Variants in LRRC4C observed in about 807,000 individuals in gnomAD.
The protein encoded by LRRC4C is leucine rich repeat containing 4C.
LRRC4C carries 5 observed loss-of-function variants against 33.6 expected under a neutral mutation model. The ratio of observed to expected loss-of-function variants is 0.15; its 90% CI spans 0.08 to 0.31. The LOEUF (loss-of-function observed/expected upper bound fraction) is 0.31. Among genes scored for constraint, LRRC4C ranks in the 10% least tolerant of loss-of-function variants. The pLI is 1.00. For synonymous variants in LRRC4C, 329 were observed against 302.0 expected, an observed-to-expected ratio of 1.09 and a Z score of -0.93; for missense variants, 560 against 796.7, an observed-to-expected ratio of 0.70 and a Z score of 3.58.
intron 1 of LRRC4C, among the ~76,000 whole-genome samples, chr11:41,027,631 G>A (rs1303806206): frequency 6.6e-6 from 1 of 151,548 alleles, no homozygotes; most frequent in Non-Finnish European, 1.5e-5. Context: ...TTTATTTGTT[G>A]TAACTTTCTC....
At chr11:40,600,104 G>A (rs1048790770) in intron 3 of LRRC4C, among the ~76,000 whole-genome samples, 1 of 152,146 alleles carries the variant, frequency 6.6e-6, no homozygotes, top group Non-Finnish European at 1.5e-5. Flanking sequence ...GTTTGCTGTT[G>A]AGAATAGAAT....
chr11:41,062,433 T>A (rs1408660568), intron 1 of LRRC4C, among the ~76,000 whole-genome samples: 1 of 152,212 alleles, frequency 6.6e-6, no homozygotes, highest in Non-Finnish European at 1.5e-5. Context: ...TACCTTCTCT[T>A]GATAAAACAA....
chr11:40,932,163 A>G (rs559814915), intron 2 of LRRC4C, among the ~76,000 whole-genome samples: 2 of 152,164 alleles, frequency 1.3e-5, no homozygotes, highest in Non-Finnish European at 2.9e-5. Flanking sequence ...ACTGTTGGTT[A>G]TCTTGGTGAG....
At chr11:40,651,058 G>A (rs1287485681) in intron 2 of LRRC4C, among the ~76,000 whole-genome samples, 1 of 152,178 alleles carries the variant, frequency 6.6e-6, no homozygotes, top group African/African-American at 2.4e-5. Context: ...AGTCAGGTAA[G>A]TCTGACTATT....
intron 3 of LRRC4C, among the ~76,000 whole-genome samples, chr11:40,642,287 A>G (rs1357967096): frequency 6.6e-6 from 1 of 152,244 alleles, no homozygotes; most frequent in Non-Finnish European, 1.5e-5. Context: ...AAGATTTTAC[A>G]GAAATAATTC....
chr11:40,702,252 CT>C (rs1395726025), intron 2 of LRRC4C, among the ~76,000 whole-genome samples: 1 of 151,982 alleles, frequency 6.6e-6, no homozygotes, highest in Admixed American at 6.6e-5. Context: ...AATATGGTTG[CT>C]TTTATCCAAC....
chr11:41,208,080 C>T (rs939270483), intron 1 of LRRC4C, among the ~76,000 whole-genome samples: 1 of 152,032 alleles, frequency 6.6e-6, no homozygotes, highest in Non-Finnish European at 1.5e-5. Context: ...ACATGTATCA[C>T]TAGGAACAGA....
intron 2 of LRRC4C, among the ~76,000 whole-genome samples, chr11:40,924,096 GTGTA>G (rs938890982): frequency 1.7e-4 from 23 of 136,294 alleles, no homozygotes; most frequent in African/African-American, 5.8e-4. Flanking sequence ...ATGTGTGTGT[GTGTA>G]TGTGTGTGTG....
At chr11:40,831,517 T>G (rs2135548828) in intron 2 of LRRC4C, among the ~76,000 whole-genome samples, 1 of 152,318 alleles carries the variant, frequency 6.6e-6, no homozygotes, top group East Asian at 1.9e-4. Context: ...TGAAATTTAT[T>G]CTTAAAATGT....
chr11:40,665,173 G>T (rs1565614297), intron 2 of LRRC4C, among the ~76,000 whole-genome samples: 1 of 150,976 alleles, frequency 6.6e-6, no homozygotes, highest in Non-Finnish European at 1.5e-5. Context: ...AAAGGTATAG[G>T]TGAATGAATG....
At chr11:40,375,052 T>A (rs528132028) in intron 3 of LRRC4C, among the ~76,000 whole-genome samples, 22 of 152,288 alleles carry the variant, frequency 1.4e-4, no homozygotes, top group African/African-American at 5.1e-4. Context: ...TAAGATATCA[T>A]CCAGTGGAAC....
intron 2 of LRRC4C, among the ~76,000 whole-genome samples, chr11:40,876,283 AT>A (rs1380112083): frequency 3.8e-5 from 1 of 26,226 alleles, no homozygotes; most frequent in Non-Finnish European, 7.9e-5. Context: ...TTTTTTTTTC[AT>A]TGGGGAGTAA....
At chr11:40,208,419 T>G (rs746625076) in intron 5 of LRRC4C, among the ~76,000 whole-genome samples, 6 of 152,186 alleles carry the variant, frequency 3.9e-5, no homozygotes, top group Admixed American at 6.5e-5. Context: ...ATAATAGGAC[T>G]AGAACTGAAT....
At chr11:40,557,681 T>C (rs537813831) in intron 3 of LRRC4C, among the ~76,000 whole-genome samples, 1,036 of 81,978 alleles carry the variant, frequency 0.013, 15 homozygotes, top group Non-Finnish European at 0.012. Context: ...TATAGAGGCG[T>C]GTGTGTGTGT....
chr11:40,808,226 A>T (rs545529723), intron 2 of LRRC4C, among the ~76,000 whole-genome samples: 16 of 151,900 alleles, frequency 1.1e-4, no homozygotes, highest in South Asian at 4.1e-4. Context: ...TACTGTTTCC[A>T]TTATTATGAC....
intron 1 of LRRC4C, among the ~76,000 whole-genome samples, chr11:41,300,610 G>A (rs972613920): frequency 2.0e-4 from 30 of 152,112 alleles, no homozygotes; most frequent in Non-Finnish European, 3.1e-4. Context: ...CGAGGCCACA[G>A]ATCTTCAAGG....
At chr11:40,978,627 T>G (rs1256922627) in intron 1 of LRRC4C, among the ~76,000 whole-genome samples, 3 of 150,544 alleles carry the variant, frequency 2.0e-5, no homozygotes, top group Admixed American at 1.3e-4. Flanking sequence ...TTTTACTGTT[T>G]TTTTTTTTTT....
At chr11:41,064,290 C>T (rs1020105847) in intron 1 of LRRC4C, among the ~76,000 whole-genome samples, 2 of 152,098 alleles carry the variant, frequency 1.3e-5, no homozygotes, top group Non-Finnish European at 2.9e-5. Context: ...ATTATAATGG[C>T]TTAGTTTAAA....
intron 3 of LRRC4C, among the ~76,000 whole-genome samples, chr11:40,422,381 G>A (rs1239767896): frequency 6.6e-6 from 1 of 152,122 alleles, no homozygotes; most frequent in Non-Finnish European, 1.5e-5. Context: ...TTCTTAAAAA[G>A]TGGAGTTTTT....
Sources: gnomAD v4.1 joint callset for allele counts (sites outside exome capture counted in the v4.1 genomes callset) on GRCh38, gnomAD v4.1.1 for gene constraint, MANE v1.5 for transcripts, NCBI Gene and HGNC (gene_info 2026-07-23, HGNC 2026-07-21) for gene names.